Variants in ZBTB8A observed in about 807,000 individuals in gnomAD.
ZBTB8A encodes zinc finger and BTB domain-containing protein 8A.
A neutral mutation model predicts 37.8 loss-of-function variants in ZBTB8A; 19 were observed. The observed-to-expected ratio is 0.50, with a 90% CI of 0.35 to 0.74. The LOEUF is 0.74. Among genes scored for constraint, ZBTB8A ranks in the 30% least tolerant of loss-of-function variants. The pLI, the probability that ZBTB8A is intolerant of heterozygous loss-of-function variation, is 0.01. For missense variants in ZBTB8A, 394 were observed against 537.8 expected (o/e 0.73, Z 2.65); for synonymous variants, 181 against 185.2 (o/e 0.98, Z 0.19).
At chr1:32,587,861 C>A (rs1247172186) in intron 2 of ZBTB8A, among the ~76,000 whole-genome samples, 1 of 152,034 alleles carries the variant, frequency 6.6e-6, no homozygotes, top group African/African-American at 2.4e-5. Flanking sequence ...ACCCCCCAGC[C>A]TCTGGGGAGG....
chr1:32,553,886 C>CAA (rs34338542), intron 2 of ZBTB8A, among the ~76,000 whole-genome samples: 3 of 77,138 alleles, frequency 3.9e-5, no homozygotes, highest in Non-Finnish European at 7.4e-5. Context: ...AACTCTGTCT[C>CAA]AAAAAAAAAA....
At chr1:32,584,366 G>A (rs1406771710) in intron 2 of ZBTB8A, among the ~76,000 whole-genome samples, 1 of 151,278 alleles carries the variant, frequency 6.6e-6, no homozygotes, top group Middle Eastern at 3.2e-3. Context: ...ACAAAGACGG[G>A]AAAACGTATA....
At chr1:32,599,568 T>C (rs1262511068) in intron 4 of ZBTB8A, among the ~76,000 whole-genome samples, 1 of 151,842 alleles carries the variant, frequency 6.6e-6, no homozygotes, top group Non-Finnish European at 1.5e-5. Context: ...AATACAAAAA[T>C]TAGCTGGGCG....
intron 2 of ZBTB8A, among the ~76,000 whole-genome samples, chr1:32,556,096 CAG>C (rs1253635374): frequency 1.3e-5 from 2 of 151,276 alleles, no homozygotes; most frequent in Non-Finnish European, 2.9e-5. Context: ...TTTTCTGAGA[CAG>C]AGTCTCACTC....
chr1:32,543,940 T>C (rs1186673632), intron 1 of ZBTB8A, among the ~76,000 whole-genome samples: 1 of 152,146 alleles, frequency 6.6e-6, no homozygotes, highest in Non-Finnish European at 1.5e-5. Context: ...CCTCCCAAGG[T>C]GCTGGGATTA....
intron 2 of ZBTB8A, among the ~76,000 whole-genome samples, chr1:32,567,789 C>A (rs1644291716): frequency 3.3e-5 from 1 of 30,402 alleles, no homozygotes; most frequent in Non-Finnish European, 5.8e-5. Context: ...AGGATTCTGT[C>A]TCAAAAAAAA....
At chr1:32,597,549 C>G (rs1344165165) in intron 4 of ZBTB8A, among the ~76,000 whole-genome samples, 1 of 152,194 alleles carries the variant, frequency 6.6e-6, no homozygotes, top group African/African-American at 2.4e-5. Flanking sequence ...CTGGAATCAG[C>G]CATTTCTCAA....
chr1:32,578,791 A>C (rs1409429479), intron 2 of ZBTB8A, among the ~76,000 whole-genome samples: 1 of 152,016 alleles, frequency 6.6e-6, no homozygotes, highest in Non-Finnish European at 1.5e-5. Flanking sequence ...ATAGCGCGCT[A>C]CAGCCTCTAA....
chr1:32,578,430 C>G (rs948002622), intron 2 of ZBTB8A, among the ~76,000 whole-genome samples: 3 of 151,970 alleles, frequency 2.0e-5, no homozygotes, highest in Non-Finnish European at 4.4e-5. Flanking sequence ...CTAGTCTGGT[C>G]TCCATCTCCT....
At chr1:32,572,677 A>G (rs6694177) in intron 2 of ZBTB8A, among the ~76,000 whole-genome samples, 107,033 of 152,072 alleles carry the variant, frequency 0.7, 38,973 homozygotes, top group African/African-American at 0.91. Context: ...GATTACAGGC[A>G]TGAACCACTA....
chr1:32,575,910 A>G (rs987760332), intron 2 of ZBTB8A, among the ~76,000 whole-genome samples: 1 of 152,030 alleles, frequency 6.6e-6, no homozygotes, highest in African/African-American at 2.4e-5. Flanking sequence ...TTTCATCTCC[A>G]CTATTGGCTT....
chr1:32,564,173 T>G (rs547197485), intron 2 of ZBTB8A, among the ~76,000 whole-genome samples: 361 of 152,236 alleles, frequency 2.4e-3, no homozygotes, highest in Non-Finnish European at 4.3e-3. Flanking sequence ...CCCTAGGGTC[T>G]CAAAGGACAT....
intron 2 of ZBTB8A, among the ~76,000 whole-genome samples, chr1:32,588,345 G>C (rs1288514068): frequency 1.3e-5 from 2 of 152,018 alleles, no homozygotes; most frequent in East Asian, 3.9e-4. Context: ...TGAGTTACAG[G>C]ACAACTCGCT....
chr1:32,588,919 G>A (rs866404085), intron 2 of ZBTB8A, among the ~76,000 whole-genome samples: 5 of 152,066 alleles, frequency 3.3e-5, no homozygotes, highest in Middle Eastern at 3.4e-3. Context: ...GGGAGGCAGA[G>A]GTTGCAGTAA....
intron 1 of ZBTB8A, among the ~76,000 whole-genome samples, chr1:32,547,614 A>C (rs1247251682): frequency 2.2e-5 from 3 of 138,496 alleles, no homozygotes; most frequent in Non-Finnish European, 3.1e-5. Context: ...GTGACAGAGC[A>C]AGTCTGTATC....
At chr1:32,576,254 T>C (rs1570348078) in intron 2 of ZBTB8A, among the ~76,000 whole-genome samples, 1 of 152,238 alleles carries the variant, frequency 6.6e-6, no homozygotes, top group South Asian at 2.1e-4. Context: ...AAGTATTTAC[T>C]GTGTGGCCTT....
intron 1 of ZBTB8A, among the ~76,000 whole-genome samples, chr1:32,552,397 C>T (rs369506117): frequency 5.9e-5 from 9 of 152,048 alleles, no homozygotes; most frequent in East Asian, 3.9e-4. Flanking sequence ...TGGTGGCTCA[C>T]GCCTGTAATC....
At chr1:32,586,956 C>G (rs182962621) in intron 2 of ZBTB8A, among the ~76,000 whole-genome samples, 13 of 152,064 alleles carry the variant, frequency 8.5e-5, no homozygotes, top group South Asian at 4.1e-4. Flanking sequence ...ATTAAAATAG[C>G]CTTTAGGGTC....
At chr1:32,562,257 C>T (rs113855138) in intron 2 of ZBTB8A, among the ~76,000 whole-genome samples, 10,851 of 151,192 alleles carry the variant, frequency 0.072, 389 homozygotes, top group African/African-American at 0.098. Flanking sequence ...TGCCCAGCCC[C>T]TGAGCTATTT....
Sources: gnomAD v4.1 joint callset for allele counts (sites outside exome capture counted in the v4.1 genomes callset) on GRCh38, gnomAD v4.1.1 for gene constraint, MANE v1.5 for transcripts, NCBI Gene and HGNC (gene_info 2026-07-23, HGNC 2026-07-21) for gene names.